The following CSMD1 variants were observed in gnomAD, a reference collection of about 807,000 sequenced individuals.
CSMD1 encodes the protein CUB and sushi domain-containing protein 1.
In CSMD1, 213 loss-of-function variants were observed where a neutral mutation model predicts 417.5. The ratio of observed to expected loss-of-function variants is 0.51; its 90% CI spans 0.46 to 0.57. The LOEUF is 0.57. Among genes scored for constraint, CSMD1 ranks in the 20% least tolerant of loss-of-function variants. The pLI, the probability that CSMD1 is intolerant of heterozygous loss-of-function variation, is 0.00. For synonymous variants in CSMD1, 2,862 were observed against 1,736.8 expected (o/e 1.65, Z -16.11); for missense variants, 6,923 against 4,529.7 (o/e 1.53, Z -15.17).
intron 3 of CSMD1, among the ~76,000 whole-genome samples, chr8:4,205,570 C>A (rs78369337): frequency 6.6e-6 from 1 of 152,148 alleles, no homozygotes; most frequent in Admixed American, 6.5e-5. Flanking sequence ...ACTGAAGTGA[C>A]ACAGCATATA....
chr8:3,549,687 T>C (rs879710178), intron 10 of CSMD1, among the ~76,000 whole-genome samples: 2 of 152,174 alleles, frequency 1.3e-5, no homozygotes, highest in African/African-American at 4.8e-5. Context: ...CCTTCAACAC[T>C]GGACGCCGTG....
chr8:3,995,507 G>C (rs1480117005), intron 5 of CSMD1, among the ~76,000 whole-genome samples: 1 of 152,132 alleles, frequency 6.6e-6, no homozygotes, highest in Non-Finnish European at 1.5e-5. Flanking sequence ...TCTCTGACAG[G>C]GCATTGAAGC....
At chr8:3,822,549 C>G (rs745577558) in intron 5 of CSMD1, among the ~76,000 whole-genome samples, 27 of 152,206 alleles carry the variant, frequency 1.8e-4, no homozygotes, top group African/African-American at 4.8e-5. Flanking sequence ...ACAGGCAATT[C>G]TTTGCTTCCG....
chr8:2,953,720 G>A (rs952736027), intron 65 of CSMD1, among the ~76,000 whole-genome samples: 14 of 152,164 alleles, frequency 9.2e-5, no homozygotes, highest in Non-Finnish European at 1.9e-4. Context: ...AGCAAAAGGT[G>A]CCACATACAA....
At chr8:4,142,614 C>T (rs974596892) in intron 3 of CSMD1, among the ~76,000 whole-genome samples, 1 of 151,060 alleles carries the variant, frequency 6.6e-6, no homozygotes, top group African/African-American at 2.5e-5. Flanking sequence ...CTTAGCAGCA[C>T]TGGCTCTGTA....
At chr8:3,941,695 T>A (rs1810894499) in intron 5 of CSMD1, among the ~76,000 whole-genome samples, 1 of 152,194 alleles carries the variant, frequency 6.6e-6, no homozygotes, top group Admixed American at 6.5e-5. Flanking sequence ...GTAATGAGAT[T>A]TTTTCCCAGA....
chr8:4,382,983 C>T (rs184601435), intron 3 of CSMD1, among the ~76,000 whole-genome samples: 53 of 152,248 alleles, frequency 3.5e-4, no homozygotes, highest in Non-Finnish European at 1.2e-4. Flanking sequence ...ACTGAGAGGT[C>T]GCACCATCGT....
intron 23 of CSMD1, among the ~76,000 whole-genome samples, chr8:3,330,375 G>C (rs1585009505): frequency 6.6e-6 from 1 of 152,186 alleles, no homozygotes; most frequent in Admixed American, 6.5e-5. Flanking sequence ...ACTGGATAAA[G>C]AAAGTATGGT....
chr8:3,387,523 T>C lies in CSMD1; in HGVS notation c.2753A>G (p.Gln918Arg), dbSNP rs529242875. Reference sequence around the variant, plus strand: ...GCAGCTGGGCAAGGCGTGGTTCCACTGGTGGTTCCTCTCACAGACGAGGGG... The same window carrying C: ...GCAGCTGGGCAAGGCGTGGTTCCACCGGTGGTTCCTCTCACAGACGAGGGG... ...DEPLVCERNH[Q>R]WNHALPSCDA... Residue 918 changes from glutamine (Q) to arginine (R), a missense_variant, in exon 18 of 70, where the codon CAG becomes CGG. Physicochemically the swap from Gln to Arg is conservative, Grantham distance 43 (BLOSUM62 1). Coordinates refer to ENST00000635120, the MANE Select transcript of CSMD1 (RefSeq NM_033225.6). The C allele has an allele frequency of 1.9e-6, 3 of 1,602,312 alleles. No homozygotes were observed. Among genetic ancestry groups the C allele is most frequent in the African/African-American group, 1.3e-5 (1 of 74,830 alleles).
At chr8:3,262,219 A>ATATC (rs1554490190) in intron 26 of CSMD1, among the ~76,000 whole-genome samples, 7 of 129,578 alleles carry the variant, frequency 5.4e-5, no homozygotes, top group African/African-American at 2.2e-4. Context: ...ATATATATAT[A>ATATC]TATATATATA....
intron 2 of CSMD1, among the ~76,000 whole-genome samples, chr8:4,570,845 T>G (rs1798860031): frequency 6.6e-6 from 1 of 152,234 alleles, no homozygotes; most frequent in African/African-American, 2.4e-5. Flanking sequence ...ATTTCGGGAT[T>G]CGGCTTCTTC....
At chr8:4,413,858 T>C (rs1796785242) in intron 3 of CSMD1, among the ~76,000 whole-genome samples, 2 of 152,158 alleles carry the variant, frequency 1.3e-5, no homozygotes, top group Non-Finnish European at 2.9e-5. Flanking sequence ...GAGGAAGGAA[T>C]GTGTTTACAG....
chr8:4,037,400 G>C (rs375687222), intron 3 of CSMD1, among the ~76,000 whole-genome samples: 1 of 152,142 alleles, frequency 6.6e-6, no homozygotes, highest in Non-Finnish European at 1.5e-5. Context: ...ACAGCCCAGT[G>C]GCATTATAGA....
intron 17 of CSMD1, among the ~76,000 whole-genome samples, chr8:3,391,610 G>A (rs1001750206): frequency 6.6e-6 from 1 of 152,178 alleles, no homozygotes; most frequent in African/African-American, 2.4e-5. Flanking sequence ...AAGCAGAACT[G>A]CAATTCTAGG....
chr8:3,566,211 G>A (rs930574402), intron 10 of CSMD1, among the ~76,000 whole-genome samples: 5 of 152,048 alleles, frequency 3.3e-5, no homozygotes, highest in African/African-American at 9.7e-5. Flanking sequence ...AAAGGAGGAG[G>A]AGAGGGAAGA....
chr8:4,887,297 GC>G (rs1250883578), intron 1 of CSMD1, among the ~76,000 whole-genome samples: 2 of 151,998 alleles, frequency 1.3e-5, no homozygotes, highest in Non-Finnish European at 2.9e-5. Flanking sequence ...TCTACTAGAG[GC>G]TTTTAACTCA....
intron 1 of CSMD1, among the ~76,000 whole-genome samples, chr8:4,925,750 T>C (rs1337104693): frequency 6.6e-6 from 1 of 152,106 alleles, no homozygotes; most frequent in Non-Finnish European, 1.5e-5. Context: ...GGTTTCACCG[T>C]GTTGGTCAGG....
chr8:3,427,143 G>C (rs1813896421), intron 12 of CSMD1, among the ~76,000 whole-genome samples: 1 of 152,100 alleles, frequency 6.6e-6, no homozygotes, highest in African/African-American at 2.4e-5. Context: ...AAGATTATGG[G>C]GATCATAGGG....
At chr8:4,318,976 A>G (rs987751654) in intron 3 of CSMD1, among the ~76,000 whole-genome samples, 2 of 152,078 alleles carry the variant, frequency 1.3e-5, no homozygotes, top group Non-Finnish European at 2.9e-5. Flanking sequence ...ATGACAATCT[A>G]TCATCTTCAT....
Sources: gnomAD v4.1 joint callset for allele counts (sites outside exome capture counted in the v4.1 genomes callset) on GRCh38, gnomAD v4.1.1 for gene constraint, MANE v1.5 for transcripts, NCBI Gene and HGNC (gene_info 2026-07-23, HGNC 2026-07-21) for gene names.